Variants in PRTFDC1 observed in about 807,000 individuals in gnomAD.
PRTFDC1 encodes phosphoribosyltransferase domain-containing protein 1.
PRTFDC1 carries 38 observed loss-of-function variants against 34.6 expected under a neutral mutation model. The ratio of observed to expected loss-of-function variants is 1.10; its 90% CI spans 0.85 to 1.44. PRTFDC1 has a LOEUF of 1.44. Ranked by LOEUF, PRTFDC1 falls within the 40% of genes most tolerant of loss-of-function variation. PRTFDC1 has a pLI of 0.00. For missense variants in PRTFDC1, 270 were observed against 283.0 expected, an observed-to-expected ratio of 0.95 and a Z score of 0.33; for synonymous variants, 93 against 98.1, an observed-to-expected ratio of 0.95 and a Z score of 0.31.
At chr10:24,880,845 T>TTCTC in intron 3 of PRTFDC1, among the ~76,000 whole-genome samples, 1 of 148,966 alleles carries the variant, frequency 6.7e-6, no homozygotes. Flanking sequence ...CTTTCTTTCT[T>TTCTC]TCTTTCTTTC....
At chr10:24,866,572 A>G (rs1363957807) in intron 4 of PRTFDC1, among the ~76,000 whole-genome samples, 1 of 152,144 alleles carries the variant, frequency 6.6e-6, no homozygotes. Flanking sequence ...CATTTTATGA[A>G]GTGCCAATAT....
At chr10:24,938,653 A>G (rs946880491) in intron 2 of PRTFDC1, among the ~76,000 whole-genome samples, 1 of 149,604 alleles carries the variant, frequency 6.7e-6, no homozygotes, top group Non-Finnish European at 1.5e-5. Context: ...ATTTGATAGG[A>G]AGTTCCAGGG....
At chr10:24,935,668 G>A (rs1849038775) in intron 3 of PRTFDC1, among the ~76,000 whole-genome samples, 1 of 152,184 alleles carries the variant, frequency 6.6e-6, no homozygotes. Context: ...CTAGTCAGAT[G>A]ACTTTGAGTT....
chr10:24,950,219 A>G (rs1489206519), intron 1 of PRTFDC1, among the ~76,000 whole-genome samples: 4 of 152,184 alleles, frequency 2.6e-5, no homozygotes, highest in African/African-American at 4.8e-5. Context: ...CTTTTCTAAA[A>G]GTATGTAGTA....
chr10:24,872,303 GGAGA>G (rs1322756186), intron 3 of PRTFDC1, among the ~76,000 whole-genome samples: 2 of 152,130 alleles, frequency 1.3e-5, no homozygotes, highest in African/African-American at 2.4e-5. Context: ...GTGGGAGAGA[GGAGA>G]GAGGACAGAC....
intron 3 of PRTFDC1, among the ~76,000 whole-genome samples, chr10:24,915,993 A>G (rs1297771938): frequency 6.6e-6 from 1 of 152,166 alleles, no homozygotes; most frequent in Non-Finnish European, 1.5e-5. Flanking sequence ...TTGGATGTTT[A>G]GGAGGAAAAA....
At chr10:24,854,319 G>A (rs2132487663) in intron 7 of PRTFDC1, among the ~76,000 whole-genome samples, 1 of 152,272 alleles carries the variant, frequency 6.6e-6, no homozygotes, top group South Asian at 2.1e-4. Context: ...AGTAATAGAT[G>A]AGAACATGCG....
chr10:24,922,726 T>C (rs772615808), intron 3 of PRTFDC1, among the ~76,000 whole-genome samples: 26 of 152,166 alleles, frequency 1.7e-4, no homozygotes, highest in African/African-American at 5.1e-4. Context: ...CCCAGCATGA[T>C]TGATGCAGAA....
At chr10:24,889,530 T>C (rs1848226055) in intron 3 of PRTFDC1, among the ~76,000 whole-genome samples, 1 of 152,174 alleles carries the variant, frequency 6.6e-6, no homozygotes, top group Non-Finnish European at 1.5e-5. Context: ...TTATTAACAA[T>C]ATCATTAGGC....
chr10:24,892,417 T>G (rs1848278822), intron 3 of PRTFDC1, among the ~76,000 whole-genome samples: 1 of 152,098 alleles, frequency 6.6e-6, no homozygotes. Context: ...ATTTTTTTTT[T>G]GTCTTTTTCA....
chr10:24,879,552 C>T (rs948672698), intron 3 of PRTFDC1, among the ~76,000 whole-genome samples: 6 of 151,686 alleles, frequency 4.0e-5, no homozygotes, highest in Admixed American at 1.3e-4. Flanking sequence ...TTCACCATGT[C>T]GGCTAGGCTG....
At chr10:24,924,634 A>G (rs534933940) in intron 3 of PRTFDC1, among the ~76,000 whole-genome samples, 3 of 152,162 alleles carry the variant, frequency 2.0e-5, no homozygotes, top group Non-Finnish European at 2.9e-5. Context: ...AGAAAAAACA[A>G]CCCCATCAAA....
intron 4 of PRTFDC1, among the ~76,000 whole-genome samples, chr10:24,861,040 C>A (rs888101036): frequency 3.9e-5 from 6 of 152,034 alleles, no homozygotes; most frequent in Admixed American, 1.3e-4. Flanking sequence ...CAGTACAGAA[C>A]CTTGCAAAAC....
At chr10:24,934,650 T>A (rs1373188918) in intron 3 of PRTFDC1, among the ~76,000 whole-genome samples, 3 of 152,232 alleles carry the variant, frequency 2.0e-5, no homozygotes, top group Non-Finnish European at 4.4e-5. Flanking sequence ...GAACTTCTTT[T>A]AATCTACCCA....
At chr10:24,894,061 G>T (rs565089616) in intron 3 of PRTFDC1, among the ~76,000 whole-genome samples, 1 of 152,188 alleles carries the variant, frequency 6.6e-6, no homozygotes, top group Non-Finnish European at 1.5e-5. Context: ...GGCCGGGCGC[G>T]GTGGCTCACG....
rs1292033358 is a variant in PRTFDC1 at position 24,952,205 on chromosome 10, C to T, written c.48+323G>A. Among the ~76,000 whole-genome samples the T allele has an allele frequency of 3.3e-5, 5 of 152,200 alleles. No homozygotes were observed. Among genetic ancestry groups the T allele is most frequent in the African/African-American group, 1.2e-4 (5 of 41,464 alleles). ...CACGCGGGGGTCTCTGGGGCCCTGC[C>T]GGGCTCGCAGAAGCGACTCCCCGTG... On this transcript the variant is annotated intron_variant, in intron 1 of 8. Transcript: ENST00000320152. The surrounding 1 kb of genome is among the most constrained non-coding windows in gnomAD (Gnocchi z 5.1).
At chr10:24,927,856 A>G (rs987064534) in intron 3 of PRTFDC1, among the ~76,000 whole-genome samples, 7 of 152,096 alleles carry the variant, frequency 4.6e-5, no homozygotes, top group Non-Finnish European at 7.4e-5. Flanking sequence ...CTGGGATCCT[A>G]CAGGCGTGAG....
chr10:24,949,905 T>G (rs990197093), intron 1 of PRTFDC1, among the ~76,000 whole-genome samples: 1 of 152,078 alleles, frequency 6.6e-6, no homozygotes. Context: ...AAGCTAATTT[T>G]GTATTTTTAG....
At chr10:24,901,477 C>T (rs942259176) in intron 3 of PRTFDC1, among the ~76,000 whole-genome samples, 1 of 152,094 alleles carries the variant, frequency 6.6e-6, no homozygotes, top group East Asian at 1.9e-4. Flanking sequence ...GTAATCCCAG[C>T]ACTTTGGGAG....
Sources: allele counts gnomAD v4.1 joint callset (sites outside exome capture counted in the v4.1 genomes callset), GRCh38; gene constraint gnomAD v4.1.1; non-coding constraint Gnocchi (gnomAD v3.1); transcripts MANE v1.5; gene names NCBI Gene and HGNC (gene_info 2026-07-23, HGNC 2026-07-21).